The following HDAC4 variants were observed in gnomAD, a reference collection of about 807,000 sequenced individuals.
HDAC4 encodes the protein histone deacetylase 4, also known as histone deacetylase A.
Under a neutral mutation model 135.1 loss-of-function variants are expected in HDAC4, and 16 were observed. That is an observed-to-expected ratio of 0.12 (90% CI 0.08 to 0.18). HDAC4 has a LOEUF of 0.18. Ranked by LOEUF, HDAC4 falls within the 10% of genes least tolerant of loss-of-function variation. The pLI is 1.00. For synonymous variants in HDAC4, 685 were observed against 653.4 expected (o/e 1.05, Z -0.74); for missense variants, 1,143 against 1,511.8 (o/e 0.76, Z 4.05).
intron 3 of HDAC4, among the ~76,000 whole-genome samples, chr2:239,193,409 A>G (rs1235529590): frequency 6.6e-6 from 1 of 152,262 alleles, no homozygotes; most frequent in Admixed American, 6.5e-5. Flanking sequence ...GTTCCCAAAG[A>G]ACATTCATGG....
chr2:239,174,485 G>A (rs1419076046), intron 5 of HDAC4, among the ~76,000 whole-genome samples: 1 of 152,234 alleles, frequency 6.6e-6, no homozygotes, highest in Non-Finnish European at 1.5e-5. Context: ...TGAAATTAAA[G>A]TGACTGACAG....
chr2:239,388,820 G>A (rs1696005303), intron 1 of HDAC4, among the ~76,000 whole-genome samples: 2 of 152,338 alleles, frequency 1.3e-5, no homozygotes, highest in African/African-American at 4.8e-5. Flanking sequence ...TCTCCCTGCT[G>A]AGCTGCCATT....
chr2:239,310,194 ACTT>A (rs948547491), intron 2 of HDAC4, among the ~76,000 whole-genome samples: 8 of 152,262 alleles, frequency 5.3e-5, no homozygotes, highest in African/African-American at 1.9e-4. Flanking sequence ...AGAACACAAT[ACTT>A]CTTATTATAT....
At chr2:239,217,910 C>T (rs2046731414) in intron 3 of HDAC4, among the ~76,000 whole-genome samples, 1 of 152,062 alleles carries the variant, frequency 6.6e-6, no homozygotes, top group African/African-American at 2.4e-5. Context: ...TGGCCAACAT[C>T]ATAAGACCCC....
intron 5 of HDAC4, among the ~76,000 whole-genome samples, chr2:239,169,324 G>C (rs562197450): frequency 2.0e-5 from 3 of 152,350 alleles, no homozygotes; most frequent in African/African-American, 7.2e-5. Flanking sequence ...CCAGTGCTTG[G>C]GCCCGTGGCG....
Position 239,053,480 on chromosome 2 carries a change from G to A in HDAC4, c.3210C>T (p.Gly1070=), listed in dbSNP as rs753027270. The A allele has an allele frequency of 2.7e-5, 43 of 1,613,324 alleles. No homozygotes were observed. The highest frequency in any genetic ancestry group is 2.4e-4 in the South Asian group (22 of 91,056). ...TVTAMASLSV[G]VKPAEKRPDE... is the part of the protein sequence containing the mutation. ...CTCACCTCTTTTCGGCGGGCTTCACGCCCACGGACAGCGAGGCCATGGCGG... is the reference window on the plus strand; with the variant it reads ...CTCACCTCTTTTCGGCGGGCTTCACACCCACGGACAGCGAGGCCATGGCGG... The change falls in exon 26 of 27, where the codon GGC becomes GGT. Residue 1070 remains glycine (G), a synonymous_variant. Transcript: ENST00000543185.
At chr2:239,089,907 T>C in intron 18 of HDAC4, 102 bp downstream of exon 18, 6 of 877,182 alleles carry the variant, frequency 6.8e-6, no homozygotes, top group East Asian at 2.4e-5. Context: ...CACAGCCGCC[T>C]CCCAGCCTGA....
rs532610578 is a variant in HDAC4 at position 239,113,781 on chromosome 2, G to A, written c.1791+1272C>T. Among the ~76,000 whole-genome samples the A allele has an allele frequency of 2.6e-5, 4 of 152,314 alleles. No individual in the cohort carries two copies. The South Asian group carries it at 6.2e-4, about 24-fold the overall frequency. ...GGCCTGTCGGACAGGACCTGTGGAC[G>A]AGTGTTCACCATGAAGCACCGTGTG... is the stretch of plus-strand genomic sequence containing the variant. On this transcript the variant is annotated intron_variant, in intron 13 of 26. Transcript: ENST00000543185.
chr2:239,378,526 G>T (rs540533752), intron 1 of HDAC4, among the ~76,000 whole-genome samples: 3 of 152,140 alleles, frequency 2.0e-5, no homozygotes, highest in African/African-American at 7.2e-5. Flanking sequence ...CATATCCAGA[G>T]GTCCCTGTCC....
At chr2:239,231,175 C>G (rs1393411015) in intron 3 of HDAC4, among the ~76,000 whole-genome samples, 1 of 152,210 alleles carries the variant, frequency 6.6e-6, no homozygotes, top group Non-Finnish European at 1.5e-5. Context: ...CTAACTCTGA[C>G]AGATACACGT....
chr2:239,261,548 C>T (rs563875074), intron 2 of HDAC4, among the ~76,000 whole-genome samples: 1 of 152,298 alleles, frequency 6.6e-6, no homozygotes, highest in South Asian at 2.1e-4. Context: ...AAATGGGCAT[C>T]TTACTAGCCT....
At chr2:239,239,974 C>G (rs1464121836) in intron 2 of HDAC4, among the ~76,000 whole-genome samples, 1 of 152,238 alleles carries the variant, frequency 6.6e-6, no homozygotes, top group African/African-American at 2.4e-5. Context: ...CAGCTGGAAG[C>G]ACGGCCACAG....
At chr2:239,111,818 C>T in intron 13 of HDAC4, 106 bp from the exon 14 acceptor site, 1 of 1,036,008 alleles carries the variant, frequency 9.7e-7, no homozygotes, top group Non-Finnish European at 1.5e-6. Context: ...ACGCACAGGC[C>T]ATACATGGGC....
intron 3 of HDAC4, among the ~76,000 whole-genome samples, chr2:239,195,882 G>A (rs1266397428): frequency 1.5e-4 from 23 of 152,200 alleles, no homozygotes; most frequent in Admixed American, 1.3e-3. Context: ...AGAAAAACCT[G>A]TTAGTCTCTC....
At chr2:239,165,627 C>T (rs978227897) in intron 5 of HDAC4, among the ~76,000 whole-genome samples, 15 of 152,170 alleles carry the variant, frequency 9.9e-5, no homozygotes, top group African/African-American at 3.4e-4. Flanking sequence ...TCTCATCCCC[C>T]GACTGTGGAT....
Position 239,051,844 on chromosome 2 carries a change from A to G in HDAC4, c.*1253T>C, listed in dbSNP as rs547945640. ...GCAGGGACCTTCGCAATCTGCATTC[A>G]TTTTATATATATATATATACTTTTT... On this transcript the variant is annotated 3_prime_UTR_variant, in exon 27 of 27. Coordinates refer to ENST00000543185, the MANE Select transcript of HDAC4 (RefSeq NM_001378414.1). 1.3e-5 allele frequency: 2 copies of G among 148,506 alleles called. No homozygotes were observed. Among genetic ancestry groups the G allele is most frequent in the African/African-American group, 4.9e-5 (2 of 41,010 alleles). The allele number at this position is 148,506 out of a possible 1,614,324, so 9.2% of individuals were successfully genotyped here.
At chr2:239,280,818 CCA>C (rs1338705860) in intron 2 of HDAC4, among the ~76,000 whole-genome samples, 1 of 151,326 alleles carries the variant, frequency 6.6e-6, no homozygotes, top group Non-Finnish European at 1.5e-5. Context: ...AATGTACACA[CCA>C]CTCTACAATG....
At chr2:239,246,575 C>T (rs999031186) in intron 2 of HDAC4, among the ~76,000 whole-genome samples, 1 of 152,224 alleles carries the variant, frequency 6.6e-6, no homozygotes, top group African/African-American at 2.4e-5. Flanking sequence ...AAGCAAGCCG[C>T]TCTTCCTGCT....
chr2:239,121,292 CTG>C (rs1389591470), intron 12 of HDAC4, among the ~76,000 whole-genome samples: 1 of 152,220 alleles, frequency 6.6e-6, no homozygotes, highest in Admixed American at 6.5e-5. Flanking sequence ...TTCAAGAACT[CTG>C]TAAGAAAATC....
Sources: allele counts gnomAD v4.1 joint callset (sites outside exome capture counted in the v4.1 genomes callset), GRCh38; gene constraint gnomAD v4.1.1; transcripts MANE v1.5; gene names NCBI Gene and HGNC (gene_info 2026-07-23, HGNC 2026-07-21).